Variants in ZNF385D observed in about 807,000 individuals in gnomAD.
ZNF385D encodes zinc finger protein 385D.
In ZNF385D, 15 loss-of-function variants were observed where a neutral mutation model predicts 35.8. That is an observed-to-expected ratio of 0.42 (90% CI 0.28 to 0.64). The LOEUF (loss-of-function observed/expected upper bound fraction) is 0.64. Ranked by LOEUF, ZNF385D falls within the 30% of genes least tolerant of loss-of-function variation. The pLI is 0.23. For synonymous variants in ZNF385D, 212 were observed against 186.8 expected (o/e 1.13, Z -1.10); for missense variants, 474 against 494.6 (o/e 0.96, Z 0.39).
At chr3:21,464,971 G>A (rs772283193) in intron 4 of ZNF385D, among the ~76,000 whole-genome samples, 15 of 152,242 alleles carry the variant, frequency 9.9e-5, no homozygotes, top group Middle Eastern at 3.4e-3. Flanking sequence ...AGACCATCAT[G>A]TGACCCCACT....
At position 21,770,734 on chromosome 3, in the gene ZNF385D, A is replaced by C. The variant is rs556677792; in HGVS notation, c.326-105706T>G. Among the ~76,000 whole-genome samples, 6 of 152,294 alleles carry C rather than the reference A, an allele frequency of 3.9e-5. No homozygotes were observed. The East Asian group carries it at 1.2e-3, about 29-fold the overall frequency. On this transcript the variant is annotated intron_variant, in intron 3 of 5. Coordinates refer to the ZNF385D transcript ENST00000494108. ...TACCATTTGACCCAGCCATCCCATT[A>C]CTGGGTATATTCCCAAATGATTATA... is the stretch of plus-strand genomic sequence containing the variant.
intron 2 of ZNF385D, among the ~76,000 whole-genome samples, chr3:22,250,139 C>G (rs1171999513): frequency 1.3e-5 from 2 of 152,204 alleles, no homozygotes; most frequent in African/African-American, 4.8e-5. Context: ...TTCAAGGTAT[C>G]TTCCCCCAAT....
At chr3:21,873,486 A>G (rs1174888927) in intron 3 of ZNF385D, among the ~76,000 whole-genome samples, 3 of 152,100 alleles carry the variant, frequency 2.0e-5, no homozygotes, top group Non-Finnish European at 4.4e-5. Flanking sequence ...TTATTGTGGT[A>G]AAAACACATA....
chr3:21,445,138 C>T lies in ZNF385D; in HGVS notation c.440-7935G>A, dbSNP rs80255204. On this transcript the variant is annotated intron_variant, in intron 4 of 7. Transcript: ENST00000281523. ...TTTATATCTTCAACCTCCACATCTC[C>T]GAAATGTTCTTAACCTCAAAATGGA... 8.6e-3 allele frequency among the ~76,000 whole-genome samples: 1,307 copies of T among 152,266 alleles called. 17 individuals carry two copies. Among genetic ancestry groups the T allele is most frequent in the Non-Finnish European group, 0.011 (739 of 68,020 alleles).
chr3:21,757,870 A>G (rs2070417725), intron 3 of ZNF385D, among the ~76,000 whole-genome samples: 1 of 152,182 alleles, frequency 6.6e-6, no homozygotes, highest in African/African-American at 2.4e-5. Flanking sequence ...TGCTATAACC[A>G]ATGCCTCAGA....
At chr3:22,117,712 G>C (rs770740111) in intron 3 of ZNF385D, among the ~76,000 whole-genome samples, 1 of 151,614 alleles carries the variant, frequency 6.6e-6, no homozygotes, top group Non-Finnish European at 1.5e-5. Flanking sequence ...TATTACCATT[G>C]ATTATTAATA....
intron 3 of ZNF385D, among the ~76,000 whole-genome samples, chr3:21,998,600 C>T (rs1157368732): frequency 1.3e-5 from 2 of 152,154 alleles, no homozygotes; most frequent in Non-Finnish European, 2.9e-5. Flanking sequence ...CTTGAAGTAT[C>T]AGTTGTTACT....
intron 2 of ZNF385D, among the ~76,000 whole-genome samples, chr3:21,581,208 C>T (rs2063651121): frequency 1.3e-5 from 2 of 152,184 alleles, no homozygotes; most frequent in African/African-American, 4.8e-5. Flanking sequence ...CAATGCCTTA[C>T]ATAATCCAGT....
chr3:22,278,927 C>A (rs1701574861), intron 2 of ZNF385D, among the ~76,000 whole-genome samples: 1 of 152,064 alleles, frequency 6.6e-6, no homozygotes, highest in Non-Finnish European at 1.5e-5. Flanking sequence ...GCATCTCCCA[C>A]AGCCCTTACT....
At chr3:22,268,166 C>T (rs1231947246) in intron 2 of ZNF385D, among the ~76,000 whole-genome samples, 2 of 151,930 alleles carry the variant, frequency 1.3e-5, no homozygotes, top group African/African-American at 4.8e-5. Context: ...ACTGTTGCTA[C>T]TGCATGGATG....
At chr3:21,638,269 C>A (rs1241153849) in intron 2 of ZNF385D, among the ~76,000 whole-genome samples, 3 of 152,012 alleles carry the variant, frequency 2.0e-5, no homozygotes, top group Non-Finnish European at 2.9e-5. Context: ...GCCTTGACAG[C>A]ATTGTTCTGT....
At chr3:22,116,793 G>GT (rs1301345116) in intron 3 of ZNF385D, among the ~76,000 whole-genome samples, 25 of 152,050 alleles carry the variant, frequency 1.6e-4, no homozygotes, top group African/African-American at 5.3e-4. Context: ...CAAAATTACA[G>GT]TTTTTATAAA....
chr3:22,089,793 C>A (rs148411192), intron 3 of ZNF385D, among the ~76,000 whole-genome samples: 2 of 152,232 alleles, frequency 1.3e-5, no homozygotes, highest in East Asian at 1.9e-4. Flanking sequence ...TTATGACTAA[C>A]AAATCCTCCA....
chr3:21,715,239 C>T (rs1350101018), intron 1 of ZNF385D, among the ~76,000 whole-genome samples: 1 of 152,120 alleles, frequency 6.6e-6, no homozygotes, highest in Non-Finnish European at 1.5e-5. Flanking sequence ...CATTCCCTCT[C>T]CTCTCACCCC....
At chr3:21,994,323 G>T (rs562388430) in intron 3 of ZNF385D, among the ~76,000 whole-genome samples, 2 of 152,296 alleles carry the variant, frequency 1.3e-5, no homozygotes, top group Admixed American at 1.3e-4. Flanking sequence ...GTTAATCCTG[G>T]AAAGTTTATC....
At chr3:21,804,548 G>T (rs1176794769) in intron 3 of ZNF385D, among the ~76,000 whole-genome samples, 1 of 152,112 alleles carries the variant, frequency 6.6e-6, no homozygotes, top group Non-Finnish European at 1.5e-5. Context: ...CCTTGCCTAA[G>T]GAGAAAGTTC....
At chr3:21,886,395 T>C (rs1017616473) in intron 3 of ZNF385D, among the ~76,000 whole-genome samples, 11 of 151,978 alleles carry the variant, frequency 7.2e-5, no homozygotes, top group Admixed American at 2.0e-4. Context: ...CCCCTTTTCT[T>C]GGTTCAGAAC....
At chr3:22,272,286 G>C (rs1195431982) in intron 2 of ZNF385D, among the ~76,000 whole-genome samples, 1 of 151,874 alleles carries the variant, frequency 6.6e-6, no homozygotes, top group African/African-American at 2.4e-5. Flanking sequence ...GGATTAGCAG[G>C]ATGCATCATA....
Position 22,106,179 on chromosome 3 carries a change from C to A in ZNF385D, c.325+62638G>T, listed in dbSNP as rs1043489123. ...CTCCATGGGATGTTCTCACTTGCTA[C>A]CTGAGTTGAAAATCACTGCCATAAA... On this transcript the variant is annotated intron_variant, in intron 3 of 5. Transcript: ENST00000494108. Among the ~76,000 whole-genome samples, 10 of 152,198 alleles carry A rather than the reference C, an allele frequency of 6.6e-5. No individual in the cohort carries two copies. The East Asian group carries it at 1.9e-3, about 29-fold the overall frequency.
Sources: allele counts gnomAD v4.1 joint callset (sites outside exome capture counted in the v4.1 genomes callset), GRCh38; gene constraint gnomAD v4.1.1; transcripts MANE v1.5; gene names NCBI Gene and HGNC (gene_info 2026-07-23, HGNC 2026-07-21).